Variants in MAST4 observed in about 807,000 individuals in gnomAD.
MAST4 encodes the protein microtubule-associated serine/threonine-protein kinase 4.
Under a neutral mutation model 162.7 loss-of-function variants are expected in MAST4, and 89 were observed. That is an observed-to-expected ratio of 0.55 (90% CI 0.46 to 0.65). The LOEUF (loss-of-function observed/expected upper bound fraction) is 0.65. Among genes scored for constraint, MAST4 ranks in the 30% least tolerant of loss-of-function variants. The pLI is 0.00. For synonymous variants in MAST4, 1,479 were observed against 1,361.1 expected (o/e 1.09, Z -1.91); for missense variants, 3,153 against 3,374.0 (o/e 0.93, Z 1.62).
chr5:66,682,389 C>G (rs141903700), intron 1 of MAST4, among the ~76,000 whole-genome samples: 1 of 152,320 alleles, frequency 6.6e-6, no homozygotes, highest in East Asian at 1.9e-4. Flanking sequence ...TAAATGTTTT[C>G]ACACATGAAA....
intron 3 of MAST4, among the ~76,000 whole-genome samples, chr5:66,815,973 A>G (rs1260212830): frequency 6.6e-6 from 1 of 152,186 alleles, no homozygotes; most frequent in Non-Finnish European, 1.5e-5. Flanking sequence ...TTAGCTTTTA[A>G]TAATTGAGTC....
At chr5:66,701,622 T>G (rs1749780811) in intron 1 of MAST4, among the ~76,000 whole-genome samples, 1 of 152,244 alleles carries the variant, frequency 6.6e-6, no homozygotes, top group Non-Finnish European at 1.5e-5. Flanking sequence ...AAGATTACTT[T>G]TTCTGTTTTC....
At chr5:66,745,345 A>G (rs1752689266) in intron 1 of MAST4, among the ~76,000 whole-genome samples, 1 of 152,198 alleles carries the variant, frequency 6.6e-6, no homozygotes, top group Non-Finnish European at 1.5e-5. Context: ...AAAGGCCCAC[A>G]TTATGATGTA....
In MAST4 at chr5:67,031,716, C is replaced by T. The variant is rs544124986; in HGVS notation, c.675-22688C>T. 2.6e-5 allele frequency among the ~76,000 whole-genome samples: 4 copies of T among 152,260 alleles called. No individual in the cohort carries two copies. The East Asian group carries it at 5.8e-4, about 22-fold the overall frequency. Reference sequence around the variant, plus strand: ...CAGGAATCATCTTGTTCCCATATCCCTACAATCTAAATTGTTAGAGTTTCT... The same window carrying T: ...CAGGAATCATCTTGTTCCCATATCCTTACAATCTAAATTGTTAGAGTTTCT... On this transcript the variant is annotated intron_variant, in intron 4 of 28. Transcript: ENST00000403625.
At chr5:66,912,728 A>G (rs1001423125) in intron 4 of MAST4, among the ~76,000 whole-genome samples, 4 of 151,822 alleles carry the variant, frequency 2.6e-5, no homozygotes, top group Admixed American at 2.0e-4. Context: ...TGTTTATTCT[A>G]TTTTTTTTCT....
At chr5:66,707,025 G>A (rs1750176082) in intron 1 of MAST4, among the ~76,000 whole-genome samples, 1 of 149,740 alleles carries the variant, frequency 6.7e-6, no homozygotes, top group Non-Finnish European at 1.5e-5. Flanking sequence ...TCGAAGCTTT[G>A]TGGTGGTCTT....
chr5:66,878,334 A>G (rs1410285091), intron 3 of MAST4, among the ~76,000 whole-genome samples: 1 of 152,222 alleles, frequency 6.6e-6, no homozygotes, highest in Non-Finnish European at 1.5e-5. Flanking sequence ...GTTTTCCCAT[A>G]TTTCAAATGG....
chr5:66,635,356 T>C (rs1012073146), intron 1 of MAST4, among the ~76,000 whole-genome samples: 14 of 152,238 alleles, frequency 9.2e-5, no homozygotes, highest in Non-Finnish European at 1.9e-4. Context: ...TTCTGTTATG[T>C]TCCTGGAAAA....
intron 3 of MAST4, among the ~76,000 whole-genome samples, chr5:66,805,387 AAGT>A (rs1430174445): frequency 6.6e-6 from 1 of 152,196 alleles, no homozygotes; most frequent in Non-Finnish European, 1.5e-5. Flanking sequence ...TTTAACATCT[AAGT>A]AGGACTGGTA....
At chr5:66,899,233 T>C (rs1216079783) in intron 3 of MAST4, among the ~76,000 whole-genome samples, 1 of 152,220 alleles carries the variant, frequency 6.6e-6, no homozygotes, top group Non-Finnish European at 1.5e-5. Context: ...TGGCTTGTTT[T>C]CTTGGGTGGT....
chr5:66,870,833 T>C (rs1760878561), intron 3 of MAST4: 2 of 471,408 alleles, frequency 4.2e-6, no homozygotes, highest in Non-Finnish European at 8.8e-6. Context: ...CAGAGACTAG[T>C]GGACCCAGCT....
intron 4 of MAST4, among the ~76,000 whole-genome samples, chr5:66,946,861 A>G (rs1262073255): frequency 6.6e-6 from 1 of 152,194 alleles, no homozygotes; most frequent in Non-Finnish European, 1.5e-5. Flanking sequence ...AACTTTTAAA[A>G]CAGATTGTTT....
intron 4 of MAST4, among the ~76,000 whole-genome samples, chr5:66,913,195 G>A (rs1472676500): frequency 2.6e-5 from 4 of 151,996 alleles, no homozygotes; most frequent in South Asian, 2.1e-4. Flanking sequence ...ATGTGTATAC[G>A]CTCGTGAAAC....
Position 66,796,361 on chromosome 5 carries a change from C to T in MAST4, c.642+7567C>T, listed in dbSNP as rs143259433. Among the ~76,000 whole-genome samples the T allele has an allele frequency of 7.9e-5, 12 of 152,272 alleles. No individual in the cohort carries two copies. In the East Asian group the frequency reaches 2.1e-3, roughly 27 times the overall value. On this transcript the variant is annotated intron_variant, in intron 3 of 28. Transcript: ENST00000403625. ...TTTCCTAAAATGAAATTCCACTCAGCGCAGTCACTTAAAATGTCCCCATGT... is the reference window on the plus strand; with the variant it reads ...TTTCCTAAAATGAAATTCCACTCAGTGCAGTCACTTAAAATGTCCCCATGT...
At chr5:66,821,216 T>G (rs1475807373) in intron 3 of MAST4, among the ~76,000 whole-genome samples, 1 of 152,244 alleles carries the variant, frequency 6.6e-6, no homozygotes, top group Non-Finnish European at 1.5e-5. Flanking sequence ...ATTCCTACTT[T>G]CCCTGGAAGG....
rs868396068 is a variant in MAST4 at position 66,655,635 on chromosome 5, C to T, written c.363+58617C>T. Among the ~76,000 whole-genome samples, 125 of 152,242 alleles carry T rather than the reference C, an allele frequency of 8.2e-4. 1 individual carries two copies. Among genetic ancestry groups the T allele is most frequent in the South Asian group, 1.9e-3 (9 of 4,820 alleles). On this transcript the variant is annotated intron_variant, in intron 1 of 28. Coordinates refer to ENST00000403625, the MANE Select transcript of MAST4 (RefSeq NM_001164664.2). Reference sequence around the variant, plus strand: ...GCTCCCTGAGGAGAGAATACAAAGACGGCTCTTTGCTACAAAGAAAGCACC... The same window carrying T: ...GCTCCCTGAGGAGAGAATACAAAGATGGCTCTTTGCTACAAAGAAAGCACC...
intron 3 of MAST4, among the ~76,000 whole-genome samples, chr5:66,837,295 C>G (rs1017153531): frequency 6.6e-6 from 1 of 152,028 alleles, no homozygotes; most frequent in Non-Finnish European, 1.5e-5. Context: ...TCATTATCAT[C>G]TAAAATAACA....
At chr5:66,925,922 A>G (rs1474383766) in intron 4 of MAST4, among the ~76,000 whole-genome samples, 1 of 152,068 alleles carries the variant, frequency 6.6e-6, no homozygotes, top group Non-Finnish European at 1.5e-5. Context: ...CCTCCATTTC[A>G]TGAGCTTTCA....
Position 66,620,912 on chromosome 5 carries a change from A to T in MAST4, c.363+23894A>T, listed in dbSNP as rs543385418. ...AGCAGGTGCATTCTAAGTAAAAGAG[A>T]TACGGTTTTAATGCAACTGTCCCCC... On this transcript the variant is annotated intron_variant, in intron 1 of 28. Transcript: ENST00000403625. Among the ~76,000 whole-genome samples, 9 of 152,214 alleles carry T rather than the reference A, an allele frequency of 5.9e-5. No individual in the cohort carries two copies. In the South Asian group the frequency reaches 1.9e-3, roughly 32 times the overall value.
Sources: allele counts gnomAD v4.1 joint callset (sites outside exome capture counted in the v4.1 genomes callset), GRCh38; gene constraint gnomAD v4.1.1; transcripts MANE v1.5; gene names NCBI Gene and HGNC (gene_info 2026-07-23, HGNC 2026-07-21).